Variants in TNS3 observed in about 807,000 individuals in gnomAD.
TNS3 encodes the protein tensin 3, also known as tensin-3.
In TNS3, 45 loss-of-function variants were observed where a neutral mutation model predicts 140.9. The ratio of observed to expected loss-of-function variants is 0.32; its 90% CI spans 0.25 to 0.41. The LOEUF (loss-of-function observed/expected upper bound fraction) is 0.41. Ranked by LOEUF, TNS3 falls within the 10% of genes least tolerant of loss-of-function variation. TNS3 has a pLI of 1.00. For synonymous variants in TNS3, 815 were observed against 788.4 expected (o/e 1.03, Z -0.56); for missense variants, 1,716 against 1,906.7 (o/e 0.90, Z 1.86).
At chr7:47,349,522 A>G (rs558185260) in intron 17 of TNS3, among the ~76,000 whole-genome samples, 8 of 152,348 alleles carry the variant, frequency 5.3e-5, no homozygotes, top group African/African-American at 1.9e-4. Context: ...GAGTCAAGGC[A>G]CCTGCAAAAG....
intron 3 of TNS3, among the ~76,000 whole-genome samples, chr7:47,491,903 C>T (rs973764356): frequency 5.2e-4 from 79 of 152,292 alleles, no homozygotes; most frequent in Middle Eastern, 3.4e-3. Flanking sequence ...TTCCTGAGAG[C>T]GATCCTACAG....
chr7:47,445,863 G>T (rs903810147), intron 4 of TNS3, among the ~76,000 whole-genome samples: 1 of 152,188 alleles, frequency 6.6e-6, no homozygotes, highest in Admixed American at 6.5e-5. Context: ...CAATGTCACT[G>T]TAAGTCTTTA....
rs552817619 is a variant in TNS3, at chr7:47,415,006, G to GC, written c.586+87dup. 7.4e-4 allele frequency: 724 copies of GC among 977,256 alleles called. 2 individuals are homozygous for GC. In the African/African-American group the frequency reaches 0.011, roughly 14 times the overall value. The allele number at this position is 977,256 out of a possible 1,614,324, so 60.5% of individuals were successfully genotyped here. A position where few individuals can be genotyped will look rare whatever the true frequency, so the allele number is the denominator to read the frequency against. On this transcript the variant is annotated intron_variant, in intron 11 of 30. Transcript: ENST00000311160. ...GATCCTGGGCCCTCTCGGAAGGAAA[G>GC]CCGAGGCTTATCTAAATTGAGGGGC...
At chr7:47,319,068 C>A (rs959350895) in intron 20 of TNS3, among the ~76,000 whole-genome samples, 5 of 152,340 alleles carry the variant, frequency 3.3e-5, no homozygotes, top group African/African-American at 9.6e-5. Flanking sequence ...GGCTCAACAG[C>A]TGAAGTCCCG....
At chr7:47,334,273 TA>T (rs1788499847) in intron 20 of TNS3, among the ~76,000 whole-genome samples, 1 of 152,130 alleles carries the variant, frequency 6.6e-6, no homozygotes, top group Admixed American at 6.5e-5. Flanking sequence ...GCCAGGCCCC[TA>T]AAATGCCTAC....
intron 3 of TNS3, among the ~76,000 whole-genome samples, chr7:47,502,548 G>C (rs981476654): frequency 2.6e-5 from 4 of 152,238 alleles, no homozygotes; most frequent in African/African-American, 9.6e-5. Flanking sequence ...TCCCTGATGG[G>C]AGAGCCCAGC....
chr7:47,481,800 G>A (rs1329832103), intron 3 of TNS3: 3 of 649,950 alleles, frequency 4.6e-6, no homozygotes, highest in East Asian at 1.4e-4. Flanking sequence ...TTAGTAACAG[G>A]CACAGGGAGC....
At chr7:47,469,960 T>G in intron 4 of TNS3, among the ~76,000 whole-genome samples, 1 of 91,610 alleles carries the variant, frequency 1.1e-5, no homozygotes, top group African/African-American at 4.7e-5. Flanking sequence ...GGCAACAGAA[T>G]GAAACTCTGT....
At chr7:47,300,272 T>C (rs543096838) in intron 23 of TNS3, among the ~76,000 whole-genome samples, 10 of 152,312 alleles carry the variant, frequency 6.6e-5, no homozygotes, top group Admixed American at 2.0e-4. Context: ...GTCTCTTCTA[T>C]GTAAAATATG....
At position 47,389,052 on chromosome 7, in the gene TNS3, A is replaced by T. The variant is rs1374748887; in HGVS notation, c.1024+7748T>A. ...GAAGAAGAAGAAGAAGAAGAAGAAG[A>T]AGAAGAAGAAGAAGAAGAAGAAGAA... On this transcript the variant is annotated intron_variant, in intron 16 of 30. Coordinates refer to ENST00000311160, the MANE Select transcript of TNS3 (RefSeq NM_022748.12). 4.1e-4 allele frequency among the ~76,000 whole-genome samples: 23 copies of T among 56,498 alleles called. 1 individual carries two copies. Among genetic ancestry groups the T allele is most frequent in the African/African-American group, 1.7e-3 (21 of 12,092 alleles). The allele number at this position is 56,498 out of a possible 152,430, so 37.1% of individuals were successfully genotyped here.
At chr7:47,573,343 T>C (rs1800600838) in intron 1 of TNS3, among the ~76,000 whole-genome samples, 1 of 152,168 alleles carries the variant, frequency 6.6e-6, no homozygotes, top group African/African-American at 2.4e-5. Flanking sequence ...CCTCCCACCC[T>C]GGGGACACCC....
intron 2 of TNS3, among the ~76,000 whole-genome samples, chr7:47,515,620 A>G (rs879450859): frequency 6.6e-6 from 1 of 152,058 alleles, no homozygotes; most frequent in Admixed American, 6.6e-5. Context: ...CATCTTGACC[A>G]TCACCATCTT....
chr7:47,504,446 G>A (rs765730113), intron 3 of TNS3, among the ~76,000 whole-genome samples: 1 of 152,210 alleles, frequency 6.6e-6, no homozygotes, highest in Non-Finnish European at 1.5e-5. Context: ...AGACACAGGC[G>A]CAAGTGCTCC....
intron 16 of TNS3, among the ~76,000 whole-genome samples, chr7:47,376,460 C>A (rs1302574842): frequency 6.6e-6 from 1 of 152,194 alleles, no homozygotes; most frequent in East Asian, 1.9e-4. Flanking sequence ...CGTGCAAGCT[C>A]CTCCCATGCG....
intron 20 of TNS3, among the ~76,000 whole-genome samples, chr7:47,309,421 G>A (rs1786954167): frequency 6.6e-6 from 1 of 152,042 alleles, no homozygotes; most frequent in Non-Finnish European, 1.5e-5. Context: ...TGCTATGAGA[G>A]TATGTTTAAA....
intron 1 of TNS3, among the ~76,000 whole-genome samples, chr7:47,576,642 G>A (rs927032875): frequency 6.6e-6 from 1 of 152,234 alleles, no homozygotes; most frequent in Non-Finnish European, 1.5e-5. Flanking sequence ...AGGGAGGAAT[G>A]TGCACAGGCC....
intron 27 of TNS3, among the ~76,000 whole-genome samples, chr7:47,289,888 A>G (rs1046575407): frequency 6.6e-6 from 1 of 152,230 alleles, no homozygotes; most frequent in Non-Finnish European, 1.5e-5. Flanking sequence ...ATATTAACAA[A>G]GTGATTCTAC....
chr7:47,323,162 C>G (rs777132275), intron 20 of TNS3, among the ~76,000 whole-genome samples: 1 of 152,190 alleles, frequency 6.6e-6, no homozygotes, highest in Non-Finnish European at 1.5e-5. Flanking sequence ...TTTCTGAAAT[C>G]TGTGCATACC....
chr7:47,480,660 AAC>A (rs10648170), intron 4 of TNS3, among the ~76,000 whole-genome samples: 3 of 151,708 alleles, frequency 2.0e-5, no homozygotes, highest in Non-Finnish European at 2.9e-5. Context: ...ATCTGATTTG[AAC>A]ACACACACAC....
Sources: gnomAD v4.1 joint callset for allele counts (sites outside exome capture counted in the v4.1 genomes callset) on GRCh38, gnomAD v4.1.1 for gene constraint, MANE v1.5 for transcripts, NCBI Gene and HGNC (gene_info 2026-07-23, HGNC 2026-07-21) for gene names.